PRSS33: variants seen among roughly 807,000 people sequenced by gnomAD.
PRSS33 encodes the protein protease, serine 33.
In PRSS33, 32 loss-of-function variants were observed where a neutral mutation model predicts 26.7. The observed-to-expected ratio is 1.20, with a 90% CI of 0.90 to 1.61. The LOEUF is 1.61. Among genes scored for constraint, PRSS33 ranks in the 40% most tolerant of loss-of-function variants. The pLI is 0.00. For missense variants in PRSS33, 450 were observed against 396.3 expected (o/e 1.14, Z -1.15); for synonymous variants, 192 against 177.6 (o/e 1.08, Z -0.64).
At position 2,784,821 on chromosome 16, in the gene PRSS33, C is replaced by G; in HGVS notation, c.685-19G>C. The G allele has an allele frequency of 6.3e-7, 1 of 1,592,862 alleles. No homozygotes were observed. Among genetic ancestry groups the G allele is most frequent in the Non-Finnish European group, 8.6e-7 (1 of 1,168,940 alleles). On this transcript the variant is annotated intron_variant, in intron 6 of 6. Transcript: ENST00000682474. ...AATCACCCTGCAGGAGAAAGAGGAG[C>G]CTAAGTCCCAGCCCTCCCAGGACTT...
rs1487170915 is a variant in PRSS33, at chr16:2,785,511, G to T, written c.378C>A (p.Asp126Glu). 2 of 1,523,854 alleles carry T rather than the reference G, an allele frequency of 1.3e-6. No homozygotes were observed. The highest frequency in any genetic ancestry group is 2.5e-5 in the East Asian group (1 of 39,576). 94.4% of individuals were successfully genotyped at this position (1,523,854 alleles called of 1,614,324 possible). ...PDYSEDGARG[D>E]LALLQLRRPV... is the part of the protein sequence containing the mutation. The stretch of plus-strand genomic sequence containing the variant: ...GGCGACGCAGCTGCAGCAGTGCCAG[G>T]TCGCCGCGGGCCCCGTCCTCGGAGT... Residue 126 changes from aspartate to glutamate, a missense_variant, in exon 5 of 7, where the codon GAC (aspartate) becomes GAA (glutamate). Asp to Glu is a conservative substitution (Grantham distance 45). Coordinates refer to ENST00000682474, the MANE Select transcript of PRSS33 (RefSeq NM_152891.3).
intron 4 of PRSS33, 37 bp downstream of exon 4, chr16:2,785,762 C>G: frequency 6.5e-7 from 1 of 1,547,890 alleles, no homozygotes; most frequent in African/African-American, 1.4e-5. Context: ...CCTTGCCTTC[C>G]TTGCACACCC....
At chr16:2,784,911 G>A (rs1162890284) in intron 6 of PRSS33, 91 bp downstream of exon 6, 24 of 1,529,800 alleles carry the variant, frequency 1.6e-5, no homozygotes, top group South Asian at 6.0e-5. Flanking sequence ...TCCTGAGCCT[G>A]AGTTGGGATG....
rs772605131 is a variant in PRSS33, at chr16:2,784,709, G to T, written c.778C>A (p.Arg260Ser). Reference sequence around the variant, plus strand: ...GCCACACTGGTGTAGACCCCTGGACGGTTGGGCAGGGCACAACCCTTGCCC... The same window carrying T: ...GCCACACTGGTGTAGACCCCTGGACTGTTGGGCAGGGCACAACCCTTGCCC... The part of the protein sequence containing the change: ...SWGKGCALPN[R>S]PGVYTSVATY... Residue 260 changes from arginine to serine, a missense_variant, in exon 7 of 7, where the codon CGT (arginine) becomes AGT (serine). Coordinates refer to ENST00000682474, the MANE Select transcript of PRSS33 (RefSeq NM_152891.3). 1 of 1,606,726 alleles carries T rather than the reference G, an allele frequency of 6.2e-7. No individual in the cohort carries two copies. Among genetic ancestry groups the T allele is most frequent in the African/African-American group, 1.3e-5 (1 of 74,798 alleles).
rs1187668689 is a variant in PRSS33, at chr16:2,784,711, T to C, written c.776A>G (p.Asn259Ser). The C allele has an allele frequency of 1.2e-6, 2 of 1,607,114 alleles. No individual in the cohort carries two copies. Among genetic ancestry groups the C allele is most frequent in the Non-Finnish European group, 1.7e-6 (2 of 1,177,038 alleles). The change falls in exon 7 of 7, where the codon AAC becomes AGC. Residue 259 changes from asparagine (N) to serine (S), a missense_variant. Coordinates refer to ENST00000682474, the MANE Select transcript of PRSS33 (RefSeq NM_152891.3). ...VSWGKGCALP[N>S]RPGVYTSVAT... Reference sequence around the variant, plus strand: ...CACACTGGTGTAGACCCCTGGACGGTTGGGCAGGGCACAACCCTTGCCCCA... The same window carrying C: ...CACACTGGTGTAGACCCCTGGACGGCTGGGCAGGGCACAACCCTTGCCCCA...
chr16:2,784,356 C>T lies in PRSS33; in HGVS notation c.*288G>A. 6.2e-6 allele frequency: 2 copies of T among 320,586 alleles called. No homozygotes were observed. The highest frequency in any genetic ancestry group is 2.1e-5 in the African/African-American group (1 of 47,028). The allele number at this position is 320,586 out of a possible 1,614,324, so 19.9% of individuals were successfully genotyped here. A position where few individuals can be genotyped will look rare whatever the true frequency, so the allele number is the denominator to read the frequency against. ...CCATCACTGCGTGCCTTGCGCCCAGCCCTGGCCAGGGCCAAGAAAAGTAAA... is the reference window on the plus strand; with the variant it reads ...CCATCACTGCGTGCCTTGCGCCCAGTCCTGGCCAGGGCCAAGAAAAGTAAA... On this transcript the variant is annotated 3_prime_UTR_variant, in exon 7 of 7. Transcript: ENST00000682474.
intron 2 of PRSS33, 126 bp downstream of exon 2, chr16:2,786,376 G>T: frequency 8.8e-7 from 1 of 1,142,390 alleles, no homozygotes; most frequent in Non-Finnish European, 1.3e-6. Flanking sequence ...AGAGGATTGA[G>T]CCCTTGGAAT....
chr16:2,784,835 C>G, intron 6 of PRSS33, 33 bp from the exon 7 acceptor site: 1 of 1,572,664 alleles, frequency 6.4e-7, no homozygotes, highest in Non-Finnish European at 8.6e-7. Flanking sequence ...AGTCCCAGCC[C>G]TCCCAGGACT....
Position 2,785,408 on chromosome 16 carries a change from G to C in PRSS33, c.481C>G (p.Arg161Gly), listed in dbSNP as rs1353333969. 1 of 1,445,638 alleles carries C rather than the reference G, an allele frequency of 6.9e-7. No homozygotes were observed. Among genetic ancestry groups the C allele is most frequent in the Non-Finnish European group, 9.0e-7 (1 of 1,110,960 alleles). The allele number at this position is 1,445,638 out of a possible 1,614,324, so 89.6% of individuals were successfully genotyped here. A position where few individuals can be genotyped will look rare whatever the true frequency, so the allele number is the denominator to read the frequency against. ...GARPPPGTPC[R>G]VTGWGSLRPG... ...CGGAGGCTGCCCCAGCCGGTGACCC[G>C]GCATGGTGTGCCGGGCGGCGGGCGG... The change falls in exon 5 of 7, where the codon CGG becomes GGG. Residue 161 changes from arginine (R) to glycine (G), a missense_variant. Arg to Gly is a moderately radical substitution (Grantham distance 125, BLOSUM62 -2). Transcript: ENST00000682474.
Position 2,785,104 on chromosome 16 carries a change from GT to G in PRSS33, c.581del (p.Asp194AlafsTer42). On this transcript the variant is annotated frameshift_variant, in exon 6 of 7. Transcript: ENST00000682474. LOFTEE classifies it high-confidence loss of function. ...RVPLLDSRTCDGLYHVGADVP... is the reference protein window; with the variant it reads ...RVPLLDSRTCXGLYHVGADVP... ...CGTCCGCGCCCACGTGGTAGAGGCC[GT>G]CGCAGGTGCGCGAGTCCAGCAGCGG... 1.6e-5 allele frequency: 25 copies of G among 1,551,534 alleles called. No individual in the cohort carries two copies. Among genetic ancestry groups the G allele is most frequent in the Non-Finnish European group, 2.2e-5 (25 of 1,150,856 alleles).
chr16:2,786,237 C>A, intron 2 of PRSS33, 116 bp from the exon 3 acceptor site: 1 of 1,038,382 alleles, frequency 9.6e-7, no homozygotes, highest in Non-Finnish European at 1.5e-6. Flanking sequence ...GACATTGCGC[C>A]AGGCTTTCGT....
rs1439435739 is a variant in PRSS33 at position 2,784,809 on chromosome 16, G to A, written c.685-7C>T. 5.0e-6 allele frequency: 8 copies of A among 1,601,140 alleles called. No homozygotes were observed. The highest frequency in any genetic ancestry group is 6.8e-6 in the Non-Finnish European group (8 of 1,173,642). On this transcript the variant is annotated splice_polypyrimidine_tract_variant and splice_region_variant and intron_variant, in intron 6 of 6. Coordinates refer to ENST00000682474, the MANE Select transcript of PRSS33 (RefSeq NM_152891.3). ...GAGGTCCCCCAGAATCACCCTGCAG[G>A]AGAAAGAGGAGCCTAAGTCCCAGCC...
chr16:2,785,116 C>G lies in PRSS33; in HGVS notation c.570G>C (p.Ser190=). Residue 190 remains serine, a synonymous_variant, in exon 6 of 7, where the codon TCG becomes TCC. Transcript: ENST00000682474. ...LQGVRVPLLD[S]RTCDGLYHVG... is the part of the protein sequence containing the mutation. ...CGTGGTAGAGGCCGTCGCAGGTGCG[C>G]GAGTCCAGCAGCGGCACCCTTACTC... The G allele has an allele frequency of 1.3e-6, 2 of 1,547,798 alleles. No homozygotes were observed. Among genetic ancestry groups the G allele is most frequent in the Non-Finnish European group, 1.7e-6 (2 of 1,148,998 alleles).
chr16:2,784,417 T>C lies in PRSS33; in HGVS notation c.*227A>G, dbSNP rs1037875221. 1.3e-5 allele frequency: 6 copies of C among 473,664 alleles called. No homozygotes were observed. The highest frequency in any genetic ancestry group is 3.6e-5 in the East Asian group (1 of 27,850). The allele number at this position is 473,664 out of a possible 1,614,324, so 29.3% of individuals were successfully genotyped here. On this transcript the variant is annotated 3_prime_UTR_variant, in exon 7 of 7. Transcript: ENST00000682474. ...GAAGGGAGTGGGGAGTGTGACTCCCTGGGACTCATGGCAGATTCCTGGATG... is the reference window on the plus strand; with the variant it reads ...GAAGGGAGTGGGGAGTGTGACTCCCCGGGACTCATGGCAGATTCCTGGATG...
Position 2,784,654 on chromosome 16 carries a change from A to C in PRSS33, c.833T>G (p.Val278Gly). 6.3e-7 allele frequency: 1 copy of C among 1,595,440 alleles called. No homozygotes were observed. The highest frequency in any genetic ancestry group is 8.5e-7 in the Non-Finnish European group (1 of 1,170,570). The part of the protein sequence containing the change: ...ATYSPWIQAR[V>G]SF ...CCTCACCGGCTAGCATTAGAAGCTG[A>C]CGCGAGCCTGAATCCAGGGGCTATA... Residue 278 changes from valine to glycine, a missense_variant, in exon 7 of 7, where the codon GTC becomes GGC. By Grantham distance (109) the Val-to-Gly change is moderately radical. Transcript: ENST00000682474.
Position 2,785,851 on chromosome 16 carries a change from C to T in PRSS33, c.190G>A (p.Gly64Arg). Residue 64 changes from glycine (G) to arginine (R), a missense_variant, in exon 4 of 7, where the codon GGG (glycine) becomes AGG (arginine). Transcript: ENST00000682474. ...ACCCACTGGGGGGCGATGAGCGACC[C>T]CCCGCACACGTGTGCCCCACGATGC... ...IQHRGAHVCGGSLIAPQWVLT... is the reference protein window; with the variant it reads ...IQHRGAHVCGRSLIAPQWVLT... 3.1e-6 allele frequency: 5 copies of T among 1,608,282 alleles called. No homozygotes were observed. The highest frequency in any genetic ancestry group is 4.2e-6 in the Non-Finnish European group (5 of 1,178,760).
Position 2,785,101 on chromosome 16 carries a change from G to T in PRSS33, c.585C>A (p.Gly195=). 6.4e-7 allele frequency: 1 copy of T among 1,552,502 alleles called. No individual in the cohort carries two copies. Residue 195 remains glycine (G), a synonymous_variant, in exon 6 of 7, where the codon GGC becomes GGA. Coordinates refer to ENST00000682474, the MANE Select transcript of PRSS33 (RefSeq NM_152891.3). ...GCACGTCCGCGCCCACGTGGTAGAG[G>T]CCGTCGCAGGTGCGCGAGTCCAGCA... is the stretch of plus-strand genomic sequence containing the variant. The part of the protein sequence containing the change: ...VPLLDSRTCD[G]LYHVGADVPQ...
Position 2,786,070 on chromosome 16 carries a change from G to T in PRSS33, c.79+19C>A, listed in dbSNP as rs1398023165. 6.2e-7 allele frequency: 1 copy of T among 1,612,860 alleles called. No homozygotes were observed. Among genetic ancestry groups the T allele is most frequent in the Non-Finnish European group, 8.5e-7 (1 of 1,179,312 alleles). Reference sequence around the variant, plus strand: ...GGTCCAGGAGGGGCTGACTCGGGTGGACTCCGAGGCTTCCTCACCTGCAGA... The same window carrying T: ...GGTCCAGGAGGGGCTGACTCGGGTGTACTCCGAGGCTTCCTCACCTGCAGA... On this transcript the variant is annotated intron_variant, in intron 3 of 6. Transcript: ENST00000682474.
At chr16:2,785,193 C>T (rs573561118) in intron 5 of PRSS33, 22 bp from the exon 6 acceptor site, 3 of 1,525,242 alleles carry the variant, frequency 2.0e-6, no homozygotes, top group Non-Finnish European at 2.6e-6. Flanking sequence ...GGAGGGACCT[C>T]TGAGAGGAAG....
Sources: gnomAD v4.1 joint callset for allele counts on GRCh38, gnomAD v4.1.1 for gene constraint, MANE v1.5 for transcripts, NCBI Gene and HGNC (gene_info 2026-07-23, HGNC 2026-07-21) for gene names.